EXOC4: variants seen among roughly 807,000 people sequenced by gnomAD.
EXOC4 encodes SEC8-like 1.
Under a neutral mutation model 107.2 loss-of-function variants are expected in EXOC4, and 71 were observed. The observed-to-expected ratio is 0.66, with a 90% confidence interval of 0.55 to 0.81. The LOEUF (loss-of-function observed/expected upper bound fraction) is 0.81, where lower values mean the gene tolerates loss of function less well. Ranked by LOEUF, EXOC4 falls within the 30% of genes least tolerant of loss-of-function variation. The probability of loss-of-function intolerance (pLI) is 0.00; values close to 1 mark genes in which losing one functional copy is unlikely to be tolerated. For synonymous variants in EXOC4, 456 were observed against 441.2 expected (o/e 1.03, Z -0.42); for missense variants, 1,108 against 1,189.6 (o/e 0.93, Z 1.01).
At chr7:133,545,730 A>G (rs1282851555) in intron 9 of EXOC4, among the ~76,000 whole-genome samples, 1 of 152,140 alleles carries the variant, frequency 6.6e-6, no homozygotes, top group African/African-American at 2.4e-5. Context: ...CCTTTCTTCA[A>G]GTTACTTTGC....
chr7:133,337,962 C>T (rs1428033454), intron 5 of EXOC4, among the ~76,000 whole-genome samples: 4 of 151,048 alleles, frequency 2.6e-5, no homozygotes, highest in Non-Finnish European at 5.9e-5. Context: ...TGTATTATCT[C>T]TCTTTGTGAA....
At chr7:133,666,703 A>G (rs138326979) in intron 10 of EXOC4, among the ~76,000 whole-genome samples, 32 of 152,272 alleles carry the variant, frequency 2.1e-4, no homozygotes, top group African/African-American at 7.7e-4. Flanking sequence ...TCAGTGCTTA[A>G]TGTATTCCAG....
intron 9 of EXOC4, among the ~76,000 whole-genome samples, chr7:133,510,392 A>T (rs1335407971): frequency 6.6e-6 from 1 of 152,146 alleles, no homozygotes; most frequent in African/African-American, 2.4e-5. Context: ...GGTTGCATCC[A>T]CTTTTCAGCT....
chr7:133,475,119 G>A (rs187378322), intron 7 of EXOC4, among the ~76,000 whole-genome samples: 14 of 152,112 alleles, frequency 9.2e-5, no homozygotes, highest in East Asian at 3.9e-4. Flanking sequence ...TGCCCACCCC[G>A]CCTCTTCCCC....
At chr7:133,336,345 G>A (rs1292674291) in intron 5 of EXOC4, among the ~76,000 whole-genome samples, 1 of 151,988 alleles carries the variant, frequency 6.6e-6, no homozygotes. Flanking sequence ...GATCCATTTT[G>A]GGTTACTTTT....
intron 13 of EXOC4, among the ~76,000 whole-genome samples, chr7:133,929,984 A>G (rs1254180499): frequency 6.6e-6 from 1 of 152,200 alleles, no homozygotes; most frequent in Non-Finnish European, 1.5e-5. Context: ...TCATATGGCA[A>G]TTTGAGAAAT....
chr7:133,560,234 T>C (rs1452631355), intron 9 of EXOC4, among the ~76,000 whole-genome samples: 1 of 152,194 alleles, frequency 6.6e-6, no homozygotes, highest in East Asian at 1.9e-4. Context: ...ATATTGAATT[T>C]ATAGCTTTCT....
rs116549696 is a variant in EXOC4, at chr7:133,636,501, G to T, written c.1514+6360G>T. 5.4e-3 allele frequency among the ~76,000 whole-genome samples: 818 copies of T among 152,264 alleles called. 3 individuals are homozygous for T. Among genetic ancestry groups the T allele is most frequent in the African/African-American group, 0.019 (775 of 41,540 alleles). On this transcript the variant is annotated intron_variant, in intron 10 of 17. Transcript: ENST00000253861. ...TCAACTGGCTTTTAAAAGGCATTTG[G>T]CTCTTTAGGGTAATGAACACTTGGC...
chr7:133,693,741 G>A (rs942741630), intron 10 of EXOC4, among the ~76,000 whole-genome samples: 2 of 152,130 alleles, frequency 1.3e-5, no homozygotes, highest in Admixed American at 6.6e-5. Context: ...CCTAGCCTCC[G>A]TAGTCCCTGG....
chr7:133,714,851 C>CA (rs1035505713), intron 10 of EXOC4, among the ~76,000 whole-genome samples: 8 of 152,124 alleles, frequency 5.3e-5, no homozygotes, highest in African/African-American at 1.9e-4. Context: ...TACAAAAGAG[C>CA]AAACAGATTT....
intron 11 of EXOC4, among the ~76,000 whole-genome samples, chr7:133,832,114 C>G (rs2151238402): frequency 6.6e-6 from 1 of 152,304 alleles, no homozygotes; most frequent in East Asian, 1.9e-4. Context: ...TGGGAAACAA[C>G]TTTATCAGCT....
intron 10 of EXOC4, among the ~76,000 whole-genome samples, chr7:133,690,282 T>C (rs563643360): frequency 6.1e-4 from 93 of 152,346 alleles, no homozygotes; most frequent in South Asian, 5.0e-3. Flanking sequence ...CTTTTAATTT[T>C]CTTGAAGAGG....
At position 133,994,176 on chromosome 7, in the gene EXOC4, C is replaced by T. The variant is rs1286800128; in HGVS notation, c.2207-3316C>T. On this transcript the variant is annotated intron_variant, in intron 14 of 17. Coordinates refer to ENST00000253861, the MANE Select transcript of EXOC4 (RefSeq NM_021807.4). ...TCCCCTCCCTGTGCCCATGTGTTCTCACTGTTCAACTCCCACTTATGAGTG... is the reference window on the plus strand; with the variant it reads ...TCCCCTCCCTGTGCCCATGTGTTCTTACTGTTCAACTCCCACTTATGAGTG... Among the ~76,000 whole-genome samples, 6 of 152,210 alleles carry T rather than the reference C, an allele frequency of 3.9e-5. No homozygotes were observed. The South Asian group carries it at 6.2e-4, about 16-fold the overall frequency.
intron 9 of EXOC4, among the ~76,000 whole-genome samples, chr7:133,528,217 C>T (rs1208149391): frequency 4.6e-5 from 7 of 152,122 alleles, no homozygotes; most frequent in Non-Finnish European, 7.4e-5. Flanking sequence ...GAAGCAGTTT[C>T]ACAGTTGAAA....
chr7:133,680,865 C>T (rs2151068032), intron 10 of EXOC4, among the ~76,000 whole-genome samples: 1 of 152,300 alleles, frequency 6.6e-6, no homozygotes, highest in African/African-American at 2.4e-5. Context: ...TCCTTTGGAA[C>T]CTCCCCTTTC....
At chr7:133,999,308 T>A (rs1173567753) in intron 15 of EXOC4, among the ~76,000 whole-genome samples, 1 of 152,194 alleles carries the variant, frequency 6.6e-6, no homozygotes, top group African/African-American at 2.4e-5. Context: ...GAACTTGGAT[T>A]TCTTTCCAGG....
At chr7:134,010,921 C>A (rs1041837245) in intron 17 of EXOC4, among the ~76,000 whole-genome samples, 115 of 152,040 alleles carry the variant, frequency 7.6e-4, no homozygotes, top group African/African-American at 2.8e-3. Context: ...TTTTCATGCA[C>A]ACCTTCCCTC....
chr7:133,427,682 G>C (rs1040464564), intron 7 of EXOC4, among the ~76,000 whole-genome samples: 1 of 152,174 alleles, frequency 6.6e-6, no homozygotes, highest in Non-Finnish European at 1.5e-5. Context: ...TTAATATCTT[G>C]CTTTTGCATG....
downstream of EXOC4, among the ~76,000 whole-genome samples, chr7:134,071,371 G>C (rs549959740): frequency 2.6e-5 from 4 of 152,280 alleles, no homozygotes; most frequent in South Asian, 8.3e-4. Flanking sequence ...AAAGGAAAGT[G>C]ACTTTATTTC....
Sources: gnomAD v4.1 joint callset for allele counts (sites outside exome capture counted in the v4.1 genomes callset) on GRCh38, gnomAD v4.1.1 for gene constraint, MANE v1.5 for transcripts, NCBI Gene and HGNC (gene_info 2026-07-23, HGNC 2026-07-21) for gene names.